Variants in DSE observed in about 807,000 individuals in gnomAD.
DSE encodes the protein dermatan-sulfate epimerase.
In DSE, 36 loss-of-function variants were observed where a neutral mutation model predicts 84.4. The observed-to-expected ratio is 0.43, with a 90% CI of 0.33 to 0.56. The LOEUF is 0.56. Ranked by LOEUF, DSE falls within the 20% of genes least tolerant of loss-of-function variation. The pLI is 0.06. For synonymous variants in DSE, 410 were observed against 430.1 expected, an observed-to-expected ratio of 0.95 and a Z score of 0.58; for missense variants, 862 against 1,169.6, an observed-to-expected ratio of 0.74 and a Z score of 3.84.
chr6:116,304,144 A>G (rs1392198363), intron 2 of DSE, among the ~76,000 whole-genome samples: 1 of 151,964 alleles, frequency 6.6e-6, no homozygotes, highest in South Asian at 2.1e-4. Context: ...AAAAGAAAGA[A>G]AAAAACAGAA....
chr6:116,258,764 T>C, exon 2 of DSE: 5 of 1,609,840 alleles, frequency 3.1e-6, no homozygotes, highest in Non-Finnish European at 4.3e-6. Context: ...GGACCACTGT[T>C]GATGATGGCG....
At chr6:116,352,117 C>T (rs1333047611) in intron 2 of DSE, among the ~76,000 whole-genome samples, 1 of 133,234 alleles carries the variant, frequency 7.5e-6, no homozygotes, top group African/African-American at 3.0e-5. Context: ...ATCTCTGAAC[C>T]TCAATTCTGC....
At chr6:116,375,931 G>A (rs1274366431) in intron 1 of DSE, among the ~76,000 whole-genome samples, 1 of 152,084 alleles carries the variant, frequency 6.6e-6, no homozygotes, top group Non-Finnish European at 1.5e-5. Context: ...TAAAAGACTT[G>A]TCTTTCATTT....
rs1165334260 is a variant in DSE, at chr6:116,438,949, C to G, written c.*1604C>G. Reference sequence around the variant, plus strand: ...GACTTCTGAGGAAGTAATTTTTTTCCCCTCTCATGGAAAGTCTCTAGGGAG... The same window carrying G: ...GACTTCTGAGGAAGTAATTTTTTTCGCCTCTCATGGAAAGTCTCTAGGGAG... On this transcript the variant is annotated 3_prime_UTR_variant, in exon 6 of 6. Transcript: ENST00000644252. 3 of 151,970 alleles carry G rather than the reference C, an allele frequency of 2.0e-5. No homozygotes were observed. The highest frequency in any genetic ancestry group is 7.3e-5 in the African/African-American group (3 of 41,378). The allele number at this position is 151,970 out of a possible 1,614,324, so 9.4% of individuals were successfully genotyped here. A position where few individuals can be genotyped will look rare whatever the true frequency, so the allele number is the denominator to read the frequency against.
At chr6:116,363,989 AGG>A (rs1188511805) in intron 2 of DSE, among the ~76,000 whole-genome samples, 1 of 152,240 alleles carries the variant, frequency 6.6e-6, no homozygotes, top group Admixed American at 6.5e-5. Context: ...AGGAATCAGG[AGG>A]CTTGACTTCT....
intron 1 of DSE, among the ~76,000 whole-genome samples, chr6:116,395,403 C>T (rs376752070): frequency 2.7e-5 from 4 of 149,686 alleles, no homozygotes; most frequent in South Asian, 2.1e-4. Context: ...CCAGCCTGGG[C>T]GACAGAGCGA....
intron 2 of DSE, among the ~76,000 whole-genome samples, chr6:116,309,716 A>G (rs140373685): frequency 0.015 from 2,298 of 152,342 alleles, 31 homozygotes; most frequent in Middle Eastern, 0.048. Context: ...GAACCGCAAG[A>G]TGGTTCAAGA....
intron 2 of DSE, among the ~76,000 whole-genome samples, chr6:116,403,518 G>A (rs1164755214): frequency 1.3e-5 from 2 of 151,890 alleles, no homozygotes; most frequent in Admixed American, 1.3e-4. Context: ...ATAAAATATT[G>A]TGCTTCAAAT....
intron 2 of DSE, among the ~76,000 whole-genome samples, chr6:116,337,930 C>T (rs777903110): frequency 2.0e-5 from 3 of 152,058 alleles, no homozygotes; most frequent in Admixed American, 1.3e-4. Context: ...TTCAGTAACA[C>T]CCTTAGCAGT....
intron 1 of DSE, chr6:116,375,599 G>A (rs1779875667): frequency 1.0e-6 from 1 of 972,192 alleles, no homozygotes; most frequent in Admixed American, 6.2e-5. Context: ...TAGAAGAGTG[G>A]CTTGATTAGT....
At chr6:116,363,391 G>A (rs1013085360) in intron 2 of DSE, among the ~76,000 whole-genome samples, 14 of 151,500 alleles carry the variant, frequency 9.2e-5, no homozygotes, top group African/African-American at 2.2e-4. Context: ...GTGTGTGTGT[G>A]TATATATATA....
At chr6:116,430,840 A>G (rs953446486) in intron 3 of DSE, 114 bp from the exon 4 acceptor site, 1 of 1,425,094 alleles carries the variant, frequency 7.0e-7, no homozygotes, top group South Asian at 1.4e-5. Flanking sequence ...GTTTTACAAA[A>G]CGCGATTTGT....
rs1170014163 is a variant in DSE, at chr6:116,416,720, A to AT, written c.417-9843dup. On this transcript the variant is annotated intron_variant, in intron 2 of 5. Coordinates refer to ENST00000644252, the MANE Select transcript of DSE (RefSeq NM_013352.4). Reference sequence around the variant, plus strand: ...TCATCCTGGCTATTCTTGCATGTTTATTTTTTTTTTTCTTAAAATCATACT... The same window carrying AT: ...TCATCCTGGCTATTCTTGCATGTTTATTTTTTTTTTTTCTTAAAATCATACT... Among the ~76,000 whole-genome samples, 570 of 146,668 alleles carry AT rather than the reference A, an allele frequency of 3.9e-3. 4 individuals are homozygous for AT. Among genetic ancestry groups the AT allele is most frequent in the Non-Finnish European group, 5.6e-3 (370 of 66,298 alleles).
rs904490975 is a variant in DSE at position 116,326,874 on chromosome 6, A to C, written c.-54+67907A>C. ...TTACTTCATTCTAGTAGAACAATCT[A>C]TAAAGAGGGAATGCCTAAGTTAAAA... On this transcript the variant is annotated intron_variant, in intron 2 of 3. Coordinates refer to the DSE transcript ENST00000430252. Among the ~76,000 whole-genome samples, 5 of 152,226 alleles carry C rather than the reference A, an allele frequency of 3.3e-5. No individual in the cohort carries two copies. In the South Asian group the frequency reaches 1.0e-3, roughly 32 times the overall value.
intron 2 of DSE, among the ~76,000 whole-genome samples, chr6:116,265,638 T>C (rs1355785950): frequency 6.6e-6 from 1 of 151,834 alleles, no homozygotes; most frequent in Non-Finnish European, 1.5e-5. Flanking sequence ...ACAGAAGGTA[T>C]GGTGTGGGCC....
chr6:116,317,194 C>T (rs1346078230), intron 2 of DSE, among the ~76,000 whole-genome samples: 1 of 152,180 alleles, frequency 6.6e-6, no homozygotes, highest in Admixed American at 6.5e-5. Context: ...AGGAGTCACT[C>T]ATCTCATGGG....
intron 2 of DSE, among the ~76,000 whole-genome samples, chr6:116,416,419 G>C (rs1157434152): frequency 1.4e-5 from 2 of 147,044 alleles, no homozygotes; most frequent in Admixed American, 6.9e-5. Flanking sequence ...GCACTATAAG[G>C]TTGATAGTTT....
intron 2 of DSE, among the ~76,000 whole-genome samples, chr6:116,316,821 TACTAC>T (rs1776006152): frequency 7.8e-6 from 1 of 128,336 alleles, no homozygotes; most frequent in African/African-American, 3.2e-5. Flanking sequence ...CTACTACTAC[TACTAC>T]TATTATTATT....
chr6:116,290,064 T>G (rs1774182014), intron 2 of DSE, among the ~76,000 whole-genome samples: 1 of 152,110 alleles, frequency 6.6e-6, no homozygotes, highest in African/African-American at 2.4e-5. Flanking sequence ...TTGTGAAGAT[T>G]AAGAAATCCC....
Sources: gnomAD v4.1 joint callset for allele counts (sites outside exome capture counted in the v4.1 genomes callset) on GRCh38, gnomAD v4.1.1 for gene constraint, MANE v1.5 for transcripts, NCBI Gene and HGNC (gene_info 2026-07-23, HGNC 2026-07-21) for gene names.